VGLL4: variants seen among roughly 807,000 people sequenced by gnomAD.
The protein encoded by VGLL4 is transcription cofactor vestigial-like protein 4.
Under a neutral mutation model 21.0 loss-of-function variants are expected in VGLL4, and 7 were observed. The observed-to-expected ratio is 0.33, with a 90% CI of 0.19 to 0.63. VGLL4 has a LOEUF of 0.63. Among genes scored for constraint, VGLL4 ranks in the 20% least tolerant of loss-of-function variants. The pLI is 0.78. For synonymous variants in VGLL4, 222 were observed against 173.2 expected, an observed-to-expected ratio of 1.28 and a Z score of -2.21; for missense variants, 394 against 425.7, an observed-to-expected ratio of 0.93 and a Z score of 0.66.
chr3:11,558,374 T>C lies in VGLL4; in HGVS notation c.*182A>G, dbSNP rs2072628516. ...CCTGCTATCATGTTTGAGGGCCCCC[T>C]TGTACGGATACCAAGCAAGTACAAA... On this transcript the variant is annotated 3_prime_UTR_variant, in exon 5 of 5. Coordinates refer to ENST00000430365, the MANE Select transcript of VGLL4 (RefSeq NM_001128219.3). The C allele has an allele frequency of 3.0e-6, 3 of 1,014,572 alleles. No individual in the cohort carries two copies. Among genetic ancestry groups the C allele is most frequent in the East Asian group, 5.3e-5 (2 of 38,080 alleles). The allele number at this position is 1,014,572 out of a possible 1,614,324, so 62.8% of individuals were successfully genotyped here.
At chr3:11,600,702 T>A (rs1235980496) in intron 2 of VGLL4, among the ~76,000 whole-genome samples, 1 of 152,164 alleles carries the variant, frequency 6.6e-6, no homozygotes, top group Non-Finnish European at 1.5e-5. Flanking sequence ...GCTGAGGCAG[T>A]AGAGGCGGGA....
chr3:11,624,846 G>C (rs554366415), intron 1 of VGLL4, among the ~76,000 whole-genome samples: 2 of 152,226 alleles, frequency 1.3e-5, no homozygotes, highest in Admixed American at 6.5e-5. Context: ...TGATCCGAAG[G>C]AACACTGCTA....
At chr3:11,634,460 T>A (rs961084757) in intron 1 of VGLL4, among the ~76,000 whole-genome samples, 2 of 152,222 alleles carry the variant, frequency 1.3e-5, no homozygotes, top group African/African-American at 4.8e-5. Flanking sequence ...CCTAAGCCAG[T>A]GCACCAGGTT....
intron 1 of VGLL4, among the ~76,000 whole-genome samples, chr3:11,608,218 A>G (rs183159374): frequency 3.0e-4 from 45 of 152,358 alleles, no homozygotes; most frequent in African/African-American, 1.0e-3. Context: ...CTTAACTACA[A>G]CTGTCAGTTT....
chr3:11,582,343 G>A (rs2074250650), intron 2 of VGLL4: 3 of 1,586,142 alleles, frequency 1.9e-6, no homozygotes, highest in South Asian at 1.2e-5. Context: ...CCACAAGAAA[G>A]CCTTGGGCCT....
intron 2 of VGLL4, among the ~76,000 whole-genome samples, chr3:11,650,760 C>G (rs138733351): frequency 3.7e-4 from 56 of 151,770 alleles, no homozygotes; most frequent in African/African-American, 1.2e-3. Context: ...CACACTTTAA[C>G]CTGATGTAAA....
intron 2 of VGLL4, among the ~76,000 whole-genome samples, chr3:11,668,355 T>G (rs987184653): frequency 6.6e-6 from 1 of 152,190 alleles, no homozygotes; most frequent in East Asian, 1.9e-4. Flanking sequence ...TACTATTGCT[T>G]GTGGAAATTT....
intron 1 of VGLL4, among the ~76,000 whole-genome samples, chr3:11,642,856 G>C (rs80091444): frequency 0.094 from 14,327 of 152,168 alleles, 1,516 homozygotes; most frequent in African/African-American, 0.25. Flanking sequence ...AGCGCTCCCC[G>C]GGCTGCACAG....
At chr3:11,593,789 C>CCAGGG (rs2074563984) in intron 2 of VGLL4, among the ~76,000 whole-genome samples, 1 of 152,150 alleles carries the variant, frequency 6.6e-6, no homozygotes, top group South Asian at 2.1e-4. Context: ...AGGGGCCCAT[C>CCAGGG]TCACACCAGG....
Position 11,667,963 on chromosome 3 carries a change from C to A in VGLL4, c.64+35008G>T, listed in dbSNP as rs150901836. On this transcript the variant is annotated intron_variant, in intron 2 of 5. Transcript: ENST00000273038. ...CCGCCTCCCGGGTTCAAGCATTTCT[C>A]CTGCCTCAGCCTCCCAAGTAGGTGG... Among the ~76,000 whole-genome samples, 957 of 145,892 alleles carry A rather than the reference C, an allele frequency of 6.6e-3. 12 individuals are homozygous for A. The highest frequency in any genetic ancestry group is 0.023 in the African/African-American group (902 of 39,486).
At chr3:11,573,291 GAAAGAAAGA>G (rs2073883588) in intron 2 of VGLL4, among the ~76,000 whole-genome samples, 6 of 10,914 alleles carry the variant, frequency 5.5e-4, no homozygotes, top group East Asian at 2.8e-3. Flanking sequence ...AAGAAAGAAA[GAAAGAAAGA>G]AAGAAAGGAA....
chr3:11,643,556 G>C lies in VGLL4; in HGVS notation c.-38C>G, dbSNP rs2075736868. On this transcript the variant is annotated 5_prime_UTR_variant, in exon 1 of 5. Coordinates refer to ENST00000430365, the MANE Select transcript of VGLL4 (RefSeq NM_001128219.3). ...CAAAGAAAACCAGCTCTTTGCTTTTGCCCCAAAAGAGTTAAGTTTCAAAAA... is the reference window on the plus strand; with the variant it reads ...CAAAGAAAACCAGCTCTTTGCTTTTCCCCCAAAAGAGTTAAGTTTCAAAAA... 1 of 1,613,222 alleles carries C rather than the reference G, an allele frequency of 6.2e-7. No homozygotes were observed. Among genetic ancestry groups the C allele is most frequent in the Non-Finnish European group, 8.5e-7 (1 of 1,179,708 alleles).
chr3:11,658,239 CA>C (rs1245521336), intron 2 of VGLL4, among the ~76,000 whole-genome samples: 1 of 150,914 alleles, frequency 6.6e-6, no homozygotes, highest in African/African-American at 2.5e-5. Flanking sequence ...CCGGCTAAAA[CA>C]AGTTTTTAAG....
intron 3 of VGLL4, among the ~76,000 whole-genome samples, chr3:11,563,982 G>A (rs1303608492): frequency 1.3e-5 from 2 of 152,196 alleles, no homozygotes; most frequent in Non-Finnish European, 2.9e-5. Context: ...GGGACACAGA[G>A]GCTCTTGCAG....
At chr3:11,610,992 T>C (rs1247917281) in intron 1 of VGLL4, among the ~76,000 whole-genome samples, 3 of 152,224 alleles carry the variant, frequency 2.0e-5, no homozygotes, top group African/African-American at 7.2e-5. Context: ...GTCGCAAAGC[T>C]GATTAATGGA....
chr3:11,652,319 A>G (rs2125343380), intron 2 of VGLL4, among the ~76,000 whole-genome samples: 1 of 152,380 alleles, frequency 6.6e-6, no homozygotes, highest in African/African-American at 2.4e-5. Flanking sequence ...AACAAAATAC[A>G]AAATCAATTA....
At chr3:11,693,570 G>A (rs1030118608) in intron 2 of VGLL4, among the ~76,000 whole-genome samples, 5 of 152,260 alleles carry the variant, frequency 3.3e-5, no homozygotes, top group African/African-American at 1.2e-4. Flanking sequence ...GTGGGATCTC[G>A]TTACCTGGGG....
intron 2 of VGLL4, among the ~76,000 whole-genome samples, chr3:11,669,374 C>A (rs1239264946): frequency 6.6e-6 from 1 of 151,934 alleles, no homozygotes; most frequent in Non-Finnish European, 1.5e-5. Flanking sequence ...AGAGTAAGAC[C>A]CCGCCTCTAA....
At chr3:11,698,152 A>G (rs980023534) in intron 2 of VGLL4, among the ~76,000 whole-genome samples, 21 of 152,180 alleles carry the variant, frequency 1.4e-4, no homozygotes, top group African/African-American at 4.8e-4. Context: ...GTGTTGTTTT[A>G]TACATTAGCA....
Sources: gnomAD v4.1 joint callset for allele counts (sites outside exome capture counted in the v4.1 genomes callset) on GRCh38, gnomAD v4.1.1 for gene constraint, MANE v1.5 for transcripts, NCBI Gene and HGNC (gene_info 2026-07-23, HGNC 2026-07-21) for gene names.